Variants in TTN observed in about 807,000 individuals in gnomAD.
The protein encoded by TTN is titin, also known as connectin.
Under a neutral mutation model 3,223.0 loss-of-function variants are expected in TTN, and 1,525 were observed. That is an observed-to-expected ratio of 0.47 (90% CI 0.45 to 0.49). The LOEUF is 0.49. TTN is among the 20% of genes least tolerant of loss of function. The pLI is 0.00. For missense variants in TTN, 40,786 were observed against 43,424.0 expected, an observed-to-expected ratio of 0.94 and a Z score of 5.40; for synonymous variants, 14,094 against 15,161.0, an observed-to-expected ratio of 0.93 and a Z score of 5.17.
Position 178,633,862 on chromosome 2 carries a change from C to A in TTN, c.42637G>T (p.Ala14213Ser). ...GTGGAGCTCAGCTCCTTGACTTGAGCTTTTATCTGAGATATATCATCCAAT... is the reference window on the plus strand; with the variant it reads ...GTGGAGCTCAGCTCCTTGACTTGAGATTTTATCTGAGATATATCATCCAAT... ...VTLDDISQIK[A>S]QVKELSSTAQ... The change falls in exon 231 of 363, where the codon GCT (alanine) becomes TCT (serine). Residue 14213 changes from alanine to serine, a missense_variant. By Grantham distance (99) the Ala-to-Ser change is moderately conservative (BLOSUM62 1). Transcript: ENST00000589042. 1.2e-6 allele frequency: 2 copies of A among 1,613,414 alleles called. No homozygotes were observed. Among genetic ancestry groups the A allele is most frequent in the East Asian group, 2.2e-5 (1 of 44,816 alleles).
At chr2:178,807,163 T>C (rs190364661) in intron 1 of TTN, 49 bp downstream of exon 1, 9 of 152,162 alleles carry the variant, frequency 5.9e-5, no homozygotes, top group Non-Finnish European at 7.4e-5. Flanking sequence ...GAGCCAGAGA[T>C]CAATAAGAAA....
In TTN at chr2:178,613,826, C is replaced by T. The variant is rs774023517; in HGVS notation, c.49457G>A (p.Trp16486Ter). Residue 16486 changes from tryptophan to a stop codon, truncating the protein, a stop_gained, in exon 263 of 363, where the codon TGG (tryptophan) becomes TAG (stop). Transcript: ENST00000589042. LOFTEE classifies it high-confidence loss of function. ...TGTATCAGGATCCAGTCTTTCAACC[C>T]AGTATCCTGTGATTGGGCTGCCACC... The part of the protein sequence containing the change: ...DDGGSPITGY[W>*]VERLDPDTDK... The T allele has an allele frequency of 6.2e-7, 1 of 1,612,608 alleles. No homozygotes were observed. The highest frequency in any genetic ancestry group is 1.7e-5 in the Admixed American group (1 of 59,934).
In TTN at chr2:178,571,444, A is replaced by G. The variant is rs2154169310; in HGVS notation, c.74688T>C (p.Asn24896=). ...ENRYGKSTYL[N]SEPTVAQYPF... ...GATATTGGGCTACAGTAGGCTCTGA[A>G]TTGAGGTAGGTACTCTTCCCATATC... The change falls in exon 326 of 363, where the codon AAT becomes AAC. Residue 24896 remains asparagine (N), a synonymous_variant. Transcript: ENST00000589042. 6.2e-7 allele frequency: 1 copy of G among 1,613,416 alleles called. No homozygotes were observed. Among genetic ancestry groups the G allele is most frequent in the East Asian group, 2.2e-5 (1 of 44,774 alleles).
At chr2:178,629,564 A>T in intron 239 of TTN, 121 bp from the exon 240 acceptor site, 1 of 1,413,210 alleles carries the variant, frequency 7.1e-7, no homozygotes, top group Non-Finnish European at 9.7e-7. Flanking sequence ...ACTGGCCACT[A>T]TTTTAACTCC....
chr2:178,676,045 A>C lies in TTN; in HGVS notation c.34379-50T>G, dbSNP rs72650049. The C allele has an allele frequency of 1.7e-4, 261 of 1,528,012 alleles. No individual in the cohort carries two copies. In the Middle Eastern group the frequency reaches 7.3e-3, roughly 43 times the overall value. The allele number at this position is 1,528,012 out of a possible 1,614,324, so 94.7% of individuals were successfully genotyped here. A position where few individuals can be genotyped will look rare whatever the true frequency, so the allele number is the denominator to read the frequency against. ...AGGATTTATTTTGAAGGACAAAAAA[A>C]GAGAAACCAAGAAGACCCCACACCC... On this transcript the variant is annotated intron_variant, in intron 147 of 362. Coordinates refer to ENST00000589042, the MANE Select transcript of TTN (RefSeq NM_001267550.2).
chr2:178,637,711 G>T (rs2060680260), intron 223 of TTN, among the ~76,000 whole-genome samples: 1 of 152,022 alleles, frequency 6.6e-6, no homozygotes, highest in Non-Finnish European at 1.5e-5. Context: ...GAAAAGTTTT[G>T]CTCCTGCCTA....
chr2:178,681,051 T>G, intron 138 of TTN, 28 bp downstream of exon 138: 2 of 1,554,242 alleles, frequency 1.3e-6, no homozygotes, highest in Non-Finnish European at 1.7e-6. Context: ...TCAGAAAAGA[T>G]CACAATCGAG....
chr2:178,652,448 T>G lies in TTN; in HGVS notation c.39127+10A>C, dbSNP rs397517554. 2.1e-4 allele frequency: 335 copies of G among 1,612,912 alleles called. No homozygotes were observed. The Admixed American group carries it at 4.3e-3, about 20-fold the overall frequency. ...TTGATCATCTGAAGCCTAAAATCAG[T>G]GACAAATACCTTTAACAGGTGTGAC... On this transcript the variant is annotated intron_variant, in intron 202 of 362. Transcript: ENST00000589042.
chr2:178,573,966 G>C lies in TTN; in HGVS notation c.72166C>G (p.Arg24056Gly). ...CTCCATTCCATTGTTGGAGGTGGGC[G>C]GCCTGAAACATCAGCTTCCAGTCTG... ...AFRLEADVSG[R>G]PPPTMEWSKD... Residue 24056 changes from arginine to glycine, a missense_variant, in exon 326 of 363, where the codon CGC becomes GGC. Arg to Gly is a moderately radical substitution (Grantham distance 125). Transcript: ENST00000589042. 2 of 1,613,282 alleles carry C rather than the reference G, an allele frequency of 1.2e-6. No individual in the cohort carries two copies. Among genetic ancestry groups the C allele is most frequent in the Non-Finnish European group, 1.7e-6 (2 of 1,179,592 alleles).
Position 178,572,940 on chromosome 2 carries a change from G to T in TTN, c.73192C>A (p.Arg24398Ser). Residue 24398 changes from arginine to serine, a missense_variant, in exon 326 of 363, where the codon CGC (arginine) becomes AGC (serine). Transcript: ENST00000589042. ...GLTENQEYKI[R>S]IYAMNSEGLG... Reference sequence around the variant, plus strand: ...CCTTCGGAATTCATGGCATAGATGCGGATCTTATATTCCTGATTCTCTGTG... The same window carrying T: ...CCTTCGGAATTCATGGCATAGATGCTGATCTTATATTCCTGATTCTCTGTG... 1 of 1,613,198 alleles carries T rather than the reference G, an allele frequency of 6.2e-7. No individual in the cohort carries two copies. The highest frequency in any genetic ancestry group is 8.5e-7 in the Non-Finnish European group (1 of 1,179,554).
rs746828415 is a variant in TTN at position 178,728,243 on chromosome 2, G to A, written c.19581C>T (p.Tyr6527=). ...DGKEISTSAK[Y]RLVCHERSVS... ...CAGATCTCTCATGGCACACAAGTCT[G>A]TATTTTGCACTTGTAGATATTTCTT... Residue 6527 remains tyrosine, a synonymous_variant, in exon 67 of 363, where the codon TAC becomes TAT. Transcript: ENST00000589042. The A allele has an allele frequency of 7.4e-6, 12 of 1,613,102 alleles. No homozygotes were observed. In the Admixed American group the frequency reaches 1.7e-4, roughly 22 times the overall value.
In TTN at chr2:178,735,626, A is replaced by G; in HGVS notation, c.14820T>C (p.Asp4940=). ...PGKDYKICFE[D]KIATLEIPLA... is the part of the protein sequence containing the mutation. The stretch of plus-strand genomic sequence containing the variant: ...AAGGAATCTCAAGTGTTGCTATTTT[A>G]TCTTCAAAACAGATCTTATAATCTT... The change falls in exon 50 of 363, where the codon GAT becomes GAC. Residue 4940 remains aspartate (D), a synonymous_variant. Transcript: ENST00000589042. The G allele has an allele frequency of 1.2e-6, 2 of 1,613,684 alleles. No individual in the cohort carries two copies. Among genetic ancestry groups the G allele is most frequent in the Non-Finnish European group, 1.7e-6 (2 of 1,179,766 alleles).
chr2:178,752,147 C>A, intron 47 of TTN: 1 of 961,996 alleles, frequency 1.0e-6, no homozygotes, highest in East Asian at 2.5e-5. Flanking sequence ...CTACAGATCT[C>A]ACAAATCCAT....
chr2:178,675,630 C>A, intron 149 of TTN, 41 bp downstream of exon 149: 2 of 1,355,416 alleles, frequency 1.5e-6, no homozygotes, highest in Non-Finnish European at 1.9e-6. Context: ...CACAGTTCAA[C>A]ATCGGTGCAG....
At chr2:178,699,033 C>T (rs1329526011) in intron 111 of TTN, 119 bp from the exon 112 acceptor site, 4 of 1,049,742 alleles carry the variant, frequency 3.8e-6, no homozygotes, top group Non-Finnish European at 5.3e-6. Flanking sequence ...TTGATAGTAG[C>T]GAGATTCTGC....
chr2:178,565,950 T>C lies in TTN; in HGVS notation c.80182A>G (p.Lys26728Glu). 6.2e-7 allele frequency: 1 copy of C among 1,613,668 alleles called. No individual in the cohort carries two copies. The highest frequency in any genetic ancestry group is 1.1e-5 in the South Asian group (1 of 91,084). The change falls in exon 326 of 363, where the codon AAA becomes GAA. Residue 26728 changes from lysine to glutamate, a missense_variant. Lys to Glu is a moderately conservative substitution (Grantham distance 56, BLOSUM62 1). Transcript: ENST00000589042. The part of the protein sequence containing the change: ...YVIDKRESTR[K>E]AYANVSSKCS... Reference sequence around the variant, plus strand: ...TTACTACTCACATTAGCATACGCTTTTCTGGTTGACTCACGTTTGTCAATC... The same window carrying C: ...TTACTACTCACATTAGCATACGCTTCTCTGGTTGACTCACGTTTGTCAATC...
At position 178,704,668 on chromosome 2, in the gene TTN, T is replaced by C. The variant is rs1428709009; in HGVS notation, c.29804A>G (p.Tyr9935Cys). 1.9e-6 allele frequency: 3 copies of C among 1,612,238 alleles called. No individual in the cohort carries two copies. Among genetic ancestry groups the C allele is most frequent in the Admixed American group, 1.7e-5 (1 of 59,806 alleles). The stretch of plus-strand genomic sequence containing the variant: ...GGGTTCCAGTTTTTCAGTTCCTTTG[T>C]ACCACGAAAGCTTGATTTCTGGATA... ...INYPEIKLSWYKGTEKLEPSD... is the reference protein window; with the variant it reads ...INYPEIKLSWCKGTEKLEPSD... Residue 9935 changes from tyrosine (Y) to cysteine (C), a missense_variant, in exon 105 of 363, where the codon TAC (tyrosine) becomes TGC (cysteine). By Grantham distance (194) the Tyr-to-Cys change is radical (BLOSUM62 -2). Transcript: ENST00000589042.
At position 178,559,498 on chromosome 2, in the gene TTN, C is replaced by T. The variant is rs1409379782; in HGVS notation, c.86634G>A (p.Lys28878=). The T allele has an allele frequency of 6.2e-7, 1 of 1,613,596 alleles. No individual in the cohort carries two copies. Among genetic ancestry groups the T allele is most frequent in the Admixed American group, 1.7e-5 (1 of 59,982 alleles). ...CCTCACGTTTTTCTATGTGGTAATT[C>T]TTCACTGGTGCTCCACCATCGTTTT... ...VPENDGGAPV[K]NYHIEKREAS... is the part of the protein sequence containing the mutation. Residue 28878 remains lysine (K), a synonymous_variant, in exon 326 of 363, where the codon AAG becomes AAA. Transcript: ENST00000589042.
chr2:178,576,359 G>A lies in TTN; in HGVS notation c.69773C>T (p.Ser23258Phe). The A allele has an allele frequency of 6.4e-7, 1 of 1,557,824 alleles. No homozygotes were observed. Among genetic ancestry groups the A allele is most frequent in the Non-Finnish European group, 8.6e-7 (1 of 1,159,152 alleles). ...HVTDTTKKSA[S>F]LAWGKPHYDG... ...ATAATGAGGCTTGCCCCATGCCAAA[G>A]AAGCAGATTTCTTGGTAGTATCAGT... The change falls in exon 326 of 363, where the codon TCT (serine) becomes TTT (phenylalanine). Residue 23258 changes from serine (S) to phenylalanine (F), a missense_variant. Physicochemically the swap from Ser to Phe is radical, Grantham distance 155 (BLOSUM62 -2). Coordinates refer to ENST00000589042, the MANE Select transcript of TTN (RefSeq NM_001267550.2). The surrounding 1 kb of genome is among the most constrained non-coding windows in gnomAD (Gnocchi z 4.3).
Sources: gnomAD v4.1 joint callset for allele counts (sites outside exome capture counted in the v4.1 genomes callset) on GRCh38, gnomAD v4.1.1 for gene constraint, Gnocchi (gnomAD v3.1) non-coding constraint, MANE v1.5 for transcripts, NCBI Gene and HGNC (gene_info 2026-07-23, HGNC 2026-07-21) for gene names.